Variants in KIF21A observed in about 807,000 individuals in gnomAD.
KIF21A encodes kinesin-like protein KIF21A.
KIF21A carries 114 observed loss-of-function variants against 202.9 expected under a neutral mutation model. The observed-to-expected ratio is 0.56, with a 90% CI of 0.48 to 0.66. The LOEUF is 0.66. Among genes scored for constraint, KIF21A ranks in the 30% least tolerant of loss-of-function variants. The pLI, the probability that KIF21A is intolerant of heterozygous loss-of-function variation, is 0.00. For missense variants in KIF21A, 1,677 were observed against 1,994.9 expected (o/e 0.84, Z 3.04); for synonymous variants, 667 against 670.8 (o/e 0.99, Z 0.09).
intron 1 of KIF21A, among the ~76,000 whole-genome samples, chr12:39,385,468 G>A (rs1950883094): frequency 6.6e-6 from 1 of 152,138 alleles, no homozygotes; most frequent in Non-Finnish European, 1.5e-5. Context: ...CAGTGTGAAA[G>A]AAAGACATAG....
intron 12 of KIF21A, among the ~76,000 whole-genome samples, chr12:39,345,859 A>C (rs1029111724): frequency 3.9e-5 from 6 of 152,056 alleles, no homozygotes; most frequent in African/African-American, 1.4e-4. Context: ...AAAAGCAACT[A>C]TCCTGTTTTT....
chr12:39,433,038 A>T (rs1416949705), intron 1 of KIF21A, among the ~76,000 whole-genome samples: 1 of 152,256 alleles, frequency 6.6e-6, no homozygotes, highest in Non-Finnish European at 1.5e-5. Flanking sequence ...CTAAAAAGAA[A>T]TATAGCAAAA....
At chr12:39,331,503 T>A (rs192343122) in intron 22 of KIF21A, among the ~76,000 whole-genome samples, 187 bp downstream of exon 22, 1 of 152,328 alleles carries the variant, frequency 6.6e-6, no homozygotes. Context: ...ATGGATAACA[T>A]GCTAATGAAA....
At chr12:39,371,098 A>G (rs1949923397) in intron 1 of KIF21A, among the ~76,000 whole-genome samples, 1 of 152,204 alleles carries the variant, frequency 6.6e-6, no homozygotes, top group Non-Finnish European at 1.5e-5. Context: ...TGCATTATTT[A>G]GAGAATAATA....
chr12:39,338,562 C>T (rs1947176042), intron 16 of KIF21A, among the ~76,000 whole-genome samples: 2 of 152,278 alleles, frequency 1.3e-5, no homozygotes, highest in African/African-American at 2.4e-5. Context: ...CTGACTCACA[C>T]AGAGCAACTT....
Position 39,363,230 on chromosome 12 carries a change from G to A in KIF21A, c.904-17C>T. ...AAGTGCCAACTAAAAGAAAGAGAAAGAAAGACAGCAAAATGATACAAATTT... is the reference window on the plus strand; with the variant it reads ...AAGTGCCAACTAAAAGAAAGAGAAAAAAAGACAGCAAAATGATACAAATTT... On this transcript the variant is annotated splice_polypyrimidine_tract_variant and intron_variant, in intron 6 of 37. Transcript: ENST00000361418. 3 of 1,452,444 alleles carry A rather than the reference G, an allele frequency of 2.1e-6. No homozygotes were observed. Among genetic ancestry groups the A allele is most frequent in the Non-Finnish European group, 2.9e-6 (3 of 1,033,678 alleles). The allele number at this position is 1,452,444 out of a possible 1,614,324, so 90.0% of individuals were successfully genotyped here.
At chr12:39,439,876 T>C (rs1185265280) in intron 1 of KIF21A, among the ~76,000 whole-genome samples, 2 of 152,208 alleles carry the variant, frequency 1.3e-5, no homozygotes. Context: ...TTTCCTTATC[T>C]TGAGAAATCT....
intron 16 of KIF21A, among the ~76,000 whole-genome samples, chr12:39,339,553 C>A (rs753258779): frequency 2.6e-5 from 4 of 152,134 alleles, no homozygotes; most frequent in Non-Finnish European, 5.9e-5. Context: ...ATTATACTTT[C>A]TAAATCACTT....
chr12:39,358,802 C>T (rs1253398291), intron 7 of KIF21A, among the ~76,000 whole-genome samples: 1 of 152,096 alleles, frequency 6.6e-6, no homozygotes. Context: ...ACACAAAATC[C>T]AATCACATTG....
chr12:39,329,769 TC>T (rs765708754), intron 24 of KIF21A, among the ~76,000 whole-genome samples: 17 of 152,160 alleles, frequency 1.1e-4, no homozygotes, highest in Non-Finnish European at 2.5e-4. Context: ...ATAGTTTTGT[TC>T]AGTTTACAAT....
In KIF21A at chr12:39,342,093, C is replaced by A; in HGVS notation, c.1744G>T (p.Asp582Tyr). 2 of 1,611,658 alleles carry A rather than the reference C, an allele frequency of 1.2e-6. No individual in the cohort carries two copies. The highest frequency in any genetic ancestry group is 2.2e-5 in the South Asian group (2 of 90,992). Reference protein sequence around the residue: ...VAGKEDNTDTDQEKKEEKGVS... With the variant: ...VAGKEDNTDTYQEKKEEKGVS... ...CCCTTTTCTTCTTTCTTCTCTTGGT[C>A]AGTGTCTGTATTATCCTCTTTACCA... The change falls in exon 13 of 38, where the codon GAC (aspartate) becomes TAC (tyrosine). Residue 582 changes from aspartate to tyrosine, a missense_variant. This residue lies in a region of KIF21A where 966 missense variants were observed against 1,180.9 expected (regional missense o/e 0.82). Coordinates refer to ENST00000361418, the MANE Select transcript of KIF21A (RefSeq NM_001173464.2).
At chr12:39,344,517 A>C (rs1229785773) in intron 12 of KIF21A, among the ~76,000 whole-genome samples, 1 of 152,134 alleles carries the variant, frequency 6.6e-6, no homozygotes, top group Admixed American at 6.6e-5. Flanking sequence ...ATTATACTTA[A>C]GTTTACAGCC....
chr12:39,405,472 T>C (rs982465444), intron 1 of KIF21A, among the ~76,000 whole-genome samples: 1 of 152,120 alleles, frequency 6.6e-6, no homozygotes, highest in Admixed American at 6.6e-5. Context: ...GCCAAAATAA[T>C]TGCAACATTA....
At chr12:39,357,740 T>C (rs1320632131) in intron 8 of KIF21A, among the ~76,000 whole-genome samples, 1 of 151,064 alleles carries the variant, frequency 6.6e-6, no homozygotes, top group Non-Finnish European at 1.5e-5. Context: ...TGAAACCCCA[T>C]CTCTACTAAA....
intron 37 of KIF21A, among the ~76,000 whole-genome samples, chr12:39,299,526 T>C (rs1273226485): frequency 1.3e-5 from 2 of 152,168 alleles, no homozygotes; most frequent in African/African-American, 2.4e-5. Flanking sequence ...AGTTCAACCA[T>C]TGTGGAAAGC....
intron 25 of KIF21A, 67 bp downstream of exon 25, chr12:39,326,197 G>C: frequency 8.6e-7 from 1 of 1,159,038 alleles, no homozygotes; most frequent in Non-Finnish European, 1.3e-6. Flanking sequence ...GTAATTGTTT[G>C]ATACAAGATG....
At chr12:39,392,020 G>A (rs968130641) in intron 1 of KIF21A, among the ~76,000 whole-genome samples, 2 of 152,104 alleles carry the variant, frequency 1.3e-5, no homozygotes, top group African/African-American at 2.4e-5. Context: ...TTACAGGAAT[G>A]AGCCACCGCA....
chr12:39,333,117 C>A lies in KIF21A; in HGVS notation c.2488-10G>T. ...GACGAAGAGCCGTAACCTGAAATTG[C>A]AGCAAAGGTTGACTCATTCTCTTAG... is the stretch of plus-strand genomic sequence containing the variant. On this transcript the variant is annotated splice_polypyrimidine_tract_variant and intron_variant, in intron 18 of 37. Coordinates refer to ENST00000361418, the MANE Select transcript of KIF21A (RefSeq NM_001173464.2). The A allele has an allele frequency of 6.2e-7, 1 of 1,612,626 alleles. No homozygotes were observed. The highest frequency in any genetic ancestry group is 8.5e-7 in the Non-Finnish European group (1 of 1,178,744).
At chr12:39,414,209 G>A (rs553823731) in intron 1 of KIF21A, among the ~76,000 whole-genome samples, 37 of 152,186 alleles carry the variant, frequency 2.4e-4, no homozygotes, top group Middle Eastern at 3.4e-3. Context: ...CTGTTATCAG[G>A]AATGGTCATA....
Sources: allele counts gnomAD v4.1 joint callset (sites outside exome capture counted in the v4.1 genomes callset), GRCh38; gene constraint gnomAD v4.1.1; regional missense constraint gnomAD v4.1.1; transcripts MANE v1.5; gene names NCBI Gene and HGNC (gene_info 2026-07-23, HGNC 2026-07-21).